Variants in ENOX1 observed in about 807,000 individuals in gnomAD.
ENOX1 encodes the protein ecto-NOX disulfide-thiol exchanger 1, also known as candidate growth-related and time keeping constitutive hydroquinone (NADH) oxidase.
A neutral mutation model predicts 82.5 loss-of-function variants in ENOX1; 42 were observed. That is an observed-to-expected ratio of 0.51 (90% confidence interval 0.40 to 0.66). The LOEUF is 0.66. Among genes scored for constraint, ENOX1 ranks in the 30% least tolerant of loss-of-function variants. ENOX1 has a pLI of 0.00. For synonymous variants in ENOX1, 271 were observed against 282.2 expected, an observed-to-expected ratio of 0.96 and a Z score of 0.40; for missense variants, 608 against 811.6, an observed-to-expected ratio of 0.75 and a Z score of 3.05.
chr13:43,639,568 T>C (rs1050844931), intron 2 of ENOX1, among the ~76,000 whole-genome samples: 2 of 152,184 alleles, frequency 1.3e-5, no homozygotes, highest in Non-Finnish European at 2.9e-5. Flanking sequence ...AGGCACTTAA[T>C]TATTGGAGTT....
At chr13:43,415,457 A>ACATGCTG (rs2054412075) in intron 3 of ENOX1, among the ~76,000 whole-genome samples, 1 of 151,662 alleles carries the variant, frequency 6.6e-6, no homozygotes, top group Non-Finnish European at 1.5e-5. Context: ...CTCTTAACGA[A>ACATGCTG]CATGCTGCCT....
chr13:43,398,781 T>C (rs535363554), intron 5 of ENOX1, among the ~76,000 whole-genome samples: 1 of 148,612 alleles, frequency 6.7e-6, no homozygotes, highest in African/African-American at 2.5e-5. Flanking sequence ...AGTAAATGTA[T>C]TTTCCCTTAT....
At chr13:43,285,847 T>A (rs7338766) in intron 12 of ENOX1, among the ~76,000 whole-genome samples, 5 of 136,572 alleles carry the variant, frequency 3.7e-5, no homozygotes, top group East Asian at 2.2e-4. Context: ...AATTCCCCCC[T>A]CTTCTTCTTT....
At chr13:43,759,745 G>T (rs1950858571) in intron 1 of ENOX1, among the ~76,000 whole-genome samples, 2 of 152,094 alleles carry the variant, frequency 1.3e-5, no homozygotes, top group Non-Finnish European at 2.9e-5. Context: ...TGTAGATACA[G>T]GCAACAGTTA....
At chr13:43,502,139 T>C (rs1190770108) in intron 2 of ENOX1, among the ~76,000 whole-genome samples, 1 of 151,490 alleles carries the variant, frequency 6.6e-6, no homozygotes, top group Non-Finnish European at 1.5e-5. Context: ...ATGAATACAT[T>C]ATTAGAAACA....
intron 11 of ENOX1, among the ~76,000 whole-genome samples, chr13:43,306,099 TCTGG>T (rs1028896290): frequency 6.6e-6 from 1 of 152,194 alleles, no homozygotes; most frequent in Non-Finnish European, 1.5e-5. Context: ...AGAGAAGGCT[TCTGG>T]CTGGAACATA....
At chr13:43,778,962 C>T (rs1386801194) in intron 1 of ENOX1, among the ~76,000 whole-genome samples, 1 of 152,080 alleles carries the variant, frequency 6.6e-6, no homozygotes, top group Admixed American at 6.5e-5. Flanking sequence ...AAATCCTTTC[C>T]GTACCTCCAT....
rs78535225 is a variant in ENOX1 at position 43,696,710 on chromosome 13, C to T, written c.-284-29166G>A. On this transcript the variant is annotated intron_variant, in intron 1 of 16. Coordinates refer to ENST00000690772, the MANE Select transcript of ENOX1 (RefSeq NM_001347969.2). ...CAACACATGGATGCACGCACTTAGA[C>T]CTTTATCTCAGGTGCTTAAACTATA... Among the ~76,000 whole-genome samples, 553 of 151,832 alleles carry T rather than the reference C, an allele frequency of 3.6e-3. 2 individuals are homozygous for T. The highest frequency in any genetic ancestry group is 7.0e-3 in the Non-Finnish European group (473 of 67,990).
At chr13:43,761,053 G>A (rs571171745) in intron 1 of ENOX1, among the ~76,000 whole-genome samples, 3 of 152,022 alleles carry the variant, frequency 2.0e-5, no homozygotes, top group Admixed American at 2.0e-4. Flanking sequence ...TATTTTGAGA[G>A]GGAAGCTGAG....
At chr13:43,314,770 C>CAT (rs1056107720) in intron 11 of ENOX1, among the ~76,000 whole-genome samples, 4 of 152,168 alleles carry the variant, frequency 2.6e-5, no homozygotes, top group Non-Finnish European at 5.9e-5. Flanking sequence ...AACTGGCCTA[C>CAT]ATATATATAG....
chr13:43,306,371 T>A (rs2046863609), intron 11 of ENOX1, among the ~76,000 whole-genome samples: 1 of 152,224 alleles, frequency 6.6e-6, no homozygotes. Context: ...GTTTTCTTTT[T>A]CACTTTCAGT....
intron 2 of ENOX1, among the ~76,000 whole-genome samples, chr13:43,639,435 A>T (rs983509576): frequency 6.6e-6 from 1 of 152,250 alleles, no homozygotes; most frequent in Non-Finnish European, 1.5e-5. Context: ...GTATTTTCTT[A>T]AAAAGTTTTG....
At chr13:43,641,482 C>T (rs181768902) in intron 2 of ENOX1, among the ~76,000 whole-genome samples, 10 of 147,670 alleles carry the variant, frequency 6.8e-5, no homozygotes, top group Admixed American at 6.1e-4. Context: ...TAAATCAATA[C>T]AACTGAAATC....
At chr13:43,455,917 A>C (rs1159350117) in intron 3 of ENOX1, among the ~76,000 whole-genome samples, 1 of 152,204 alleles carries the variant, frequency 6.6e-6, no homozygotes, top group African/African-American at 2.4e-5. Context: ...CAGCCATGTG[A>C]AACTGTGAGT....
At chr13:43,505,614 TA>T (rs2077128036) in intron 2 of ENOX1, among the ~76,000 whole-genome samples, 1 of 151,966 alleles carries the variant, frequency 6.6e-6, no homozygotes, top group African/African-American at 2.4e-5. Context: ...TTTTTTCTTG[TA>T]AATTTGTTTG....
At chr13:43,398,382 C>T (rs1442344317) in intron 5 of ENOX1, among the ~76,000 whole-genome samples, 1 of 152,102 alleles carries the variant, frequency 6.6e-6, no homozygotes, top group Admixed American at 6.5e-5. Flanking sequence ...TGTTTCTCCA[C>T]CAGCCAAGAA....
chr13:43,319,088 T>C (rs779387813), intron 11 of ENOX1, among the ~76,000 whole-genome samples: 11 of 152,170 alleles, frequency 7.2e-5, no homozygotes, highest in Non-Finnish European at 1.3e-4. Context: ...TTTTAAAGTC[T>C]GGCTTCATTT....
intron 2 of ENOX1, among the ~76,000 whole-genome samples, chr13:43,627,210 T>C (rs2083002717): frequency 6.6e-6 from 1 of 152,014 alleles, no homozygotes; most frequent in Non-Finnish European, 1.5e-5. Flanking sequence ...ATACAGTTGG[T>C]TCATGTTTTT....
chr13:43,584,605 T>C (rs556107391), intron 2 of ENOX1, among the ~76,000 whole-genome samples: 63 of 152,306 alleles, frequency 4.1e-4, no homozygotes, highest in Middle Eastern at 3.4e-3. Context: ...TCTGGAGAAG[T>C]GGACTTTCAA....
Sources: allele counts gnomAD v4.1 joint callset (sites outside exome capture counted in the v4.1 genomes callset), GRCh38; gene constraint gnomAD v4.1.1; transcripts MANE v1.5; gene names NCBI Gene and HGNC (gene_info 2026-07-23, HGNC 2026-07-21).